PCDHA3: variants seen among roughly 807,000 people sequenced by gnomAD.
PCDHA3 encodes the protein protocadherin alpha-3.
PCDHA3 carries 41 observed loss-of-function variants against 62.2 expected under a neutral mutation model. The observed-to-expected ratio is 0.66, with a 90% CI of 0.51 to 0.86. The LOEUF is 0.86. Ranked by LOEUF, PCDHA3 falls within the 40% of genes least tolerant of loss-of-function variation. The pLI is 0.00. For synonymous variants in PCDHA3, 640 were observed against 555.4 expected, an observed-to-expected ratio of 1.15 and a Z score of -2.14; for missense variants, 1,304 against 1,241.2, an observed-to-expected ratio of 1.05 and a Z score of -0.76.
At chr5:140,988,157 G>A (rs1344911037) in intron 3 of PCDHA3, among the ~76,000 whole-genome samples, 5 of 152,014 alleles carry the variant, frequency 3.3e-5, no homozygotes, top group African/African-American at 7.3e-5. Context: ...AACTTCTGCC[G>A]TTGTCATAGC....
intron 1 of PCDHA3, chr5:140,854,176 A>AAT: frequency 1.5e-6 from 1 of 663,712 alleles, no homozygotes; most frequent in Non-Finnish European, 1.9e-6. Flanking sequence ...AAAAAAAAAA[A>AAT]GAGTAGTTTA....
chr5:140,902,555 T>C (rs538054274), intron 1 of PCDHA3, among the ~76,000 whole-genome samples: 1 of 152,182 alleles, frequency 6.6e-6, no homozygotes, highest in Non-Finnish European at 1.5e-5. Flanking sequence ...TATACCCAGA[T>C]TTTTGAGGGT....
At chr5:140,921,385 A>C (rs571029849) in intron 1 of PCDHA3, among the ~76,000 whole-genome samples, 1 of 152,294 alleles carries the variant, frequency 6.6e-6, no homozygotes, top group East Asian at 1.9e-4. Flanking sequence ...CATATTTGAT[A>C]AACATTCACA....
intron 1 of PCDHA3, chr5:140,862,842 G>C: frequency 1.7e-6 from 1 of 572,982 alleles, no homozygotes; most frequent in Non-Finnish European, 3.3e-6. Flanking sequence ...CGGGCATGCC[G>C]CCTCTGAGCA....
intron 1 of PCDHA3, chr5:140,969,110 C>G (rs1380719565): frequency 2.5e-6 from 4 of 1,614,064 alleles, no homozygotes; most frequent in South Asian, 2.2e-5. Context: ...CATTGAAGTT[C>G]GAGGGAATGG....
At chr5:140,844,829 G>A (rs1252495421) in intron 1 of PCDHA3, among the ~76,000 whole-genome samples, 1 of 148,848 alleles carries the variant, frequency 6.7e-6, no homozygotes, top group East Asian at 1.9e-4. Flanking sequence ...CTTTTTACAC[G>A]TTTGCTTCTT....
chr5:140,886,827 GA>G (rs782016620), intron 1 of PCDHA3, among the ~76,000 whole-genome samples: 1,709 of 60,916 alleles, frequency 0.028, 12 homozygotes, highest in African/African-American at 0.032. Flanking sequence ...ACTTCGTCTT[GA>G]AAAAAAAAAA....
At chr5:140,941,095 A>C (rs2092727620) in intron 1 of PCDHA3, among the ~76,000 whole-genome samples, 1 of 152,062 alleles carries the variant, frequency 6.6e-6, no homozygotes, top group South Asian at 2.1e-4. Flanking sequence ...TAGTTTTCAC[A>C]TACTATTACT....
chr5:141,009,239 G>T (rs1416549332), intron 3 of PCDHA3, among the ~76,000 whole-genome samples: 2 of 152,186 alleles, frequency 1.3e-5, no homozygotes, highest in Admixed American at 1.3e-4. Context: ...AGGATCTCTT[G>T]AGCTTCAGTG....
At chr5:140,936,240 CAT>C (rs1282249217) in intron 1 of PCDHA3, among the ~76,000 whole-genome samples, 3 of 152,152 alleles carry the variant, frequency 2.0e-5, no homozygotes, top group Non-Finnish European at 4.4e-5. Flanking sequence ...TTAAAGAAAA[CAT>C]ATCCTGCTTC....
intron 3 of PCDHA3, among the ~76,000 whole-genome samples, chr5:140,997,668 T>TTGTGTGTGTGTGTGTGTGTG (rs35184029): frequency 6.7e-6 from 1 of 148,244 alleles, no homozygotes; most frequent in African/African-American, 2.5e-5. Context: ...ATTATACAGC[T>TTGTGTGTGTGTGTGTGTGTG]TGTGTGTGTG....
chr5:140,828,502 A>G (rs1418351723), intron 1 of PCDHA3: 1 of 1,614,104 alleles, frequency 6.2e-7, no homozygotes, highest in African/African-American at 1.3e-5. Context: ...CGGTAGAGGA[A>G]CAAAGAGTGC....
At chr5:141,005,627 G>A (rs1051972778) in intron 3 of PCDHA3, among the ~76,000 whole-genome samples, 1 of 148,378 alleles carries the variant, frequency 6.7e-6, no homozygotes, top group Non-Finnish European at 1.5e-5. Flanking sequence ...GCGTGAACCC[G>A]GGAGGCGGAG....
At chr5:140,929,370 C>T in intron 1 of PCDHA3, 1 of 1,515,732 alleles carries the variant, frequency 6.6e-7, no homozygotes, top group Non-Finnish European at 8.8e-7. Flanking sequence ...CCGGAGATGG[C>T]TGCTAGCTGT....
intron 1 of PCDHA3, chr5:140,871,726 T>A (rs1412265993): frequency 1.3e-6 from 1 of 740,884 alleles, no homozygotes; most frequent in Non-Finnish European, 2.1e-6. Flanking sequence ...CTCTTAATAT[T>A]TGGTTAGCAA....
At chr5:140,982,318 G>A (rs2096977750) in intron 2 of PCDHA3, 157 bp from the exon 3 acceptor site, 3 of 1,356,910 alleles carry the variant, frequency 2.2e-6, no homozygotes, top group Non-Finnish European at 2.9e-6. Context: ...AGTTTATGCA[G>A]GGTGACTGCT....
chr5:140,993,368 T>A (rs1354951477), intron 3 of PCDHA3, among the ~76,000 whole-genome samples: 2 of 151,944 alleles, frequency 1.3e-5, no homozygotes, highest in Middle Eastern at 6.8e-3. Flanking sequence ...AAAAACTACC[T>A]CCCAGCCGGG....
intron 1 of PCDHA3, among the ~76,000 whole-genome samples, chr5:140,906,476 G>A (rs1284528767): frequency 1.3e-5 from 2 of 152,192 alleles, no homozygotes; most frequent in African/African-American, 4.8e-5. Context: ...TAGTACAAAT[G>A]TATAAATGCA....
chr5:140,876,653 C>T (rs781890773), intron 1 of PCDHA3: 8 of 1,614,082 alleles, frequency 5.0e-6, no homozygotes, highest in Non-Finnish European at 6.8e-6. Context: ...CCTCATGTTC[C>T]CTTCAAGCTG....
Sources: allele counts gnomAD v4.1 joint callset (sites outside exome capture counted in the v4.1 genomes callset), GRCh38; gene constraint gnomAD v4.1.1; transcripts MANE v1.5; gene names NCBI Gene and HGNC (gene_info 2026-07-23, HGNC 2026-07-21).